The following EPHB1 variants were observed in gnomAD, a reference collection of about 807,000 sequenced individuals.
EPHB1 encodes ephrin type-B receptor 1.
Under a neutral mutation model 94.4 loss-of-function variants are expected in EPHB1, and 30 were observed. The ratio of observed to expected loss-of-function variants is 0.32; its 90% CI spans 0.24 to 0.43. The LOEUF is 0.43. Ranked by LOEUF, EPHB1 falls within the 20% of genes least tolerant of loss-of-function variation. The probability of loss-of-function intolerance (pLI) is 1.00; values close to 1 mark genes in which losing one functional copy is unlikely to be tolerated. For synonymous variants in EPHB1, 522 were observed against 489.1 expected (o/e 1.07, Z -0.89); for missense variants, 1,055 against 1,308.3 (o/e 0.81, Z 2.99).
intron 3 of EPHB1, among the ~76,000 whole-genome samples, chr3:135,053,011 ATATGTGTGTGTGTGTG>A (rs1382611285): frequency 2.6e-4 from 9 of 34,150 alleles, no homozygotes; most frequent in African/African-American, 6.6e-4. Context: ...GTGTGTATAT[ATATGTGTGTGTGTGTG>A]TATATATATA....
intron 5 of EPHB1, among the ~76,000 whole-genome samples, chr3:135,146,009 A>G (rs1471754935): frequency 6.6e-6 from 1 of 152,228 alleles, no homozygotes; most frequent in African/African-American, 2.4e-5. Context: ...GGCTAAAAAC[A>G]TGGTCCTTGC....
At chr3:135,145,432 G>T (rs1343452872) in intron 5 of EPHB1, among the ~76,000 whole-genome samples, 1 of 152,140 alleles carries the variant, frequency 6.6e-6, no homozygotes, top group Non-Finnish European at 1.5e-5. Flanking sequence ...GGGACTTCTG[G>T]AGACTGCTCA....
At chr3:134,852,726 A>T (rs2037017897) in intron 1 of EPHB1, 1 of 152,264 alleles carries the variant, frequency 6.6e-6, no homozygotes, top group Admixed American at 6.5e-5. Flanking sequence ...ATACATACAT[A>T]CTTATGCAAC....
chr3:135,177,455 A>G lies in EPHB1; in HGVS notation c.1760-2405A>G, dbSNP rs1942014053. Among the ~76,000 whole-genome samples, 3 of 152,116 alleles carry G rather than the reference A, an allele frequency of 2.0e-5. No individual in the cohort carries two copies. The South Asian group carries it at 6.2e-4, about 32-fold the overall frequency. The stretch of plus-strand genomic sequence containing the variant: ...TGGAGCCTCCCCTGCCCACCCGTAC[A>G]ACAGGCCAAGCAGCCCCTGACCAAT... On this transcript the variant is annotated intron_variant, in intron 9 of 15. Coordinates refer to ENST00000398015, the MANE Select transcript of EPHB1 (RefSeq NM_004441.5).
At chr3:134,900,577 C>A (rs762542380) in intron 1 of EPHB1, among the ~76,000 whole-genome samples, 1 of 152,130 alleles carries the variant, frequency 6.6e-6, no homozygotes, top group East Asian at 1.9e-4. Flanking sequence ...CTCCTGCCCT[C>A]CTGCCTGGGT....
intron 1 of EPHB1, among the ~76,000 whole-genome samples, chr3:134,902,448 A>G (rs2038221578): frequency 6.6e-6 from 1 of 152,212 alleles, no homozygotes; most frequent in Non-Finnish European, 1.5e-5. Context: ...ATTTATGTAT[A>G]TAGTGAATGT....
intron 5 of EPHB1, among the ~76,000 whole-genome samples, chr3:135,142,610 C>G (rs1010278004): frequency 7.2e-5 from 11 of 152,086 alleles, no homozygotes; most frequent in African/African-American, 2.7e-4. Context: ...TTGCAGTGGG[C>G]TCATCTGAGG....
At chr3:135,183,934 A>G (rs115357039) in intron 10 of EPHB1, among the ~76,000 whole-genome samples, 251 of 152,348 alleles carry the variant, frequency 1.6e-3, no homozygotes, top group African/African-American at 5.5e-3. Context: ...GCTGAATCCT[A>G]TAAATGCTGT....
chr3:135,081,100 G>A (rs944155982), intron 3 of EPHB1, among the ~76,000 whole-genome samples: 1 of 152,158 alleles, frequency 6.6e-6, no homozygotes. Context: ...AGGTGAAGGA[G>A]GGGAGGGGAG....
intron 15 of EPHB1, among the ~76,000 whole-genome samples, chr3:135,256,638 G>A (rs1933405538): frequency 6.6e-6 from 1 of 152,122 alleles, no homozygotes; most frequent in South Asian, 2.1e-4. Flanking sequence ...CTTTCTCTCT[G>A]GCTGCCCTTA....
At chr3:135,074,146 C>T (rs6790449) in intron 3 of EPHB1, among the ~76,000 whole-genome samples, 6,030 of 152,182 alleles carry the variant, frequency 0.04, 172 homozygotes, top group East Asian at 0.14. Context: ...AAGAAAATTG[C>T]CCTTATTTAG....
At chr3:135,196,093 G>A (rs908096106) in intron 11 of EPHB1, among the ~76,000 whole-genome samples, 5 of 150,396 alleles carry the variant, frequency 3.3e-5, no homozygotes, top group African/African-American at 7.4e-5. Flanking sequence ...CAGTGATGAT[G>A]AGCATTTTTT....
At chr3:135,219,943 G>A (rs1943237244) in intron 12 of EPHB1, among the ~76,000 whole-genome samples, 1 of 152,212 alleles carries the variant, frequency 6.6e-6, no homozygotes, top group African/African-American at 2.4e-5. Context: ...AAGGCCTCTG[G>A]ATCTAGCACA....
chr3:135,015,971 G>C (rs40346), intron 3 of EPHB1, among the ~76,000 whole-genome samples: 82,304 of 152,050 alleles, frequency 0.54, 23,949 homozygotes, highest in African/African-American at 0.75. Context: ...GGAAGTAGCA[G>C]AGGAGAAGAG....
intron 1 of EPHB1, among the ~76,000 whole-genome samples, chr3:134,889,717 G>A (rs2037929767): frequency 6.6e-6 from 1 of 150,484 alleles, no homozygotes; most frequent in Non-Finnish European, 1.5e-5. Flanking sequence ...TCACTCTGTT[G>A]CCCAGGCTGG....
At chr3:135,129,501 G>A (rs1940343067) in intron 4 of EPHB1, among the ~76,000 whole-genome samples, 1 of 152,168 alleles carries the variant, frequency 6.6e-6, no homozygotes, top group Non-Finnish European at 1.5e-5. Context: ...GCTGGAGAGG[G>A]GTATATACAT....
chr3:134,889,498 A>G (rs1436051949), intron 1 of EPHB1, among the ~76,000 whole-genome samples: 1 of 152,186 alleles, frequency 6.6e-6, no homozygotes, highest in African/African-American at 2.4e-5. Flanking sequence ...CTGGAAAAAG[A>G]AATAATGGGG....
chr3:134,978,085 G>T (rs1934258062), intron 3 of EPHB1: 12 of 424,846 alleles, frequency 2.8e-5, no homozygotes, highest in South Asian at 2.0e-4. Context: ...CAGGTGACTT[G>T]CTTGTGGAGC....
At chr3:135,250,922 C>T (rs547490509) in intron 15 of EPHB1, among the ~76,000 whole-genome samples, 27 of 152,214 alleles carry the variant, frequency 1.8e-4, no homozygotes, top group African/African-American at 4.3e-4. Context: ...TGGGACAAAC[C>T]GGTTGCTGAG....
Sources: gnomAD v4.1 joint callset for allele counts (sites outside exome capture counted in the v4.1 genomes callset) on GRCh38, gnomAD v4.1.1 for gene constraint, MANE v1.5 for transcripts, NCBI Gene and HGNC (gene_info 2026-07-23, HGNC 2026-07-21) for gene names.